The following CHCHD3 variants were observed in gnomAD, a reference collection of about 807,000 sequenced individuals.
The protein encoded by CHCHD3 is MICOS complex subunit MIC19.
CHCHD3 carries 20 observed loss-of-function variants against 38.2 expected under a neutral mutation model. The ratio of observed to expected loss-of-function variants is 0.52; its 90% CI spans 0.37 to 0.76. CHCHD3 has a LOEUF of 0.76. Among genes scored for constraint, CHCHD3 ranks in the 30% least tolerant of loss-of-function variants. The pLI, the probability that CHCHD3 is intolerant of heterozygous loss-of-function variation, is 0.00. For missense variants in CHCHD3, 245 were observed against 279.2 expected (o/e 0.88, Z 0.87); for synonymous variants, 82 against 100.0 (o/e 0.82, Z 1.07).
chr7:133,012,023 G>A (rs1007177051), intron 3 of CHCHD3, among the ~76,000 whole-genome samples: 44 of 152,094 alleles, frequency 2.9e-4, no homozygotes, highest in African/African-American at 1.0e-3. Flanking sequence ...AAGTTGATAA[G>A]GGTTACAGAA....
chr7:132,913,937 G>A (rs1284285486), intron 4 of CHCHD3, among the ~76,000 whole-genome samples: 2 of 142,282 alleles, frequency 1.4e-5, no homozygotes, highest in Non-Finnish European at 3.0e-5. Context: ...CTCTGTAAAC[G>A]TTTTCTTTTT....
At chr7:132,855,229 C>A (rs185508837) in intron 5 of CHCHD3, among the ~76,000 whole-genome samples, 1 of 152,286 alleles carries the variant, frequency 6.6e-6, no homozygotes, top group Non-Finnish European at 1.5e-5. Flanking sequence ...CAGAGTACTT[C>A]ACTAAGTCAT....
intron 5 of CHCHD3, among the ~76,000 whole-genome samples, chr7:132,843,051 G>A (rs542301952): frequency 6.6e-6 from 1 of 152,172 alleles, no homozygotes; most frequent in South Asian, 2.1e-4. Context: ...TTGTTTATTT[G>A]TTTTAAGATG....
intron 3 of CHCHD3, among the ~76,000 whole-genome samples, chr7:133,021,031 C>T (rs1813164965): frequency 6.6e-6 from 1 of 152,130 alleles, no homozygotes; most frequent in African/African-American, 2.4e-5. Context: ...GCATCCCTGG[C>T]CTCCATCCAC....
intron 4 of CHCHD3, among the ~76,000 whole-genome samples, chr7:132,953,521 A>G (rs939940396): frequency 6.6e-6 from 1 of 152,200 alleles, no homozygotes; most frequent in African/African-American, 2.4e-5. Context: ...CAAAGGAGCC[A>G]GTCCACAGCT....
intron 2 of CHCHD3, among the ~76,000 whole-genome samples, chr7:133,066,247 G>T (rs1163310217): frequency 6.9e-6 from 1 of 145,152 alleles, no homozygotes; most frequent in African/African-American, 2.6e-5. Flanking sequence ...TAAAACACAA[G>T]ATGGCATACT....
chr7:133,020,691 C>T (rs925616456), intron 3 of CHCHD3, among the ~76,000 whole-genome samples: 2 of 152,278 alleles, frequency 1.3e-5, no homozygotes. Context: ...TCAAAATTTG[C>T]AGAACTGCTG....
chr7:133,014,821 A>G (rs1000867557), intron 3 of CHCHD3, among the ~76,000 whole-genome samples: 19 of 152,064 alleles, frequency 1.2e-4, no homozygotes, highest in Non-Finnish European at 1.6e-4. Flanking sequence ...AAAGGTGCCC[A>G]ATTTGCTCTA....
At chr7:133,030,275 G>T (rs1034588884) in intron 2 of CHCHD3, among the ~76,000 whole-genome samples, 2 of 152,128 alleles carry the variant, frequency 1.3e-5, no homozygotes, top group African/African-American at 4.8e-5. Context: ...TCTTCTGATA[G>T]GTCTGACCCA....
intron 4 of CHCHD3, among the ~76,000 whole-genome samples, chr7:132,907,842 A>G (rs367925430): frequency 1.3e-5 from 2 of 152,240 alleles, no homozygotes; most frequent in African/African-American, 4.8e-5. Context: ...AATGACAGCT[A>G]TGTTTCTACC....
chr7:133,022,562 C>T (rs752754089), intron 3 of CHCHD3: 26 of 439,038 alleles, frequency 5.9e-5, no homozygotes, highest in Admixed American at 1.0e-4. Flanking sequence ...TAGATGAACA[C>T]ACATTTTTTG....
chr7:132,845,308 CA>C (rs1008172482), intron 5 of CHCHD3, among the ~76,000 whole-genome samples: 3 of 151,970 alleles, frequency 2.0e-5, no homozygotes, highest in African/African-American at 4.8e-5. Flanking sequence ...ATTATTTGAA[CA>C]GGGGGAAAAA....
intron 2 of CHCHD3, among the ~76,000 whole-genome samples, chr7:133,069,362 C>A (rs765336811): frequency 5.9e-5 from 9 of 152,022 alleles, no homozygotes; most frequent in Non-Finnish European, 1.3e-4. Flanking sequence ...GGCAGGATCT[C>A]GTCTTTCTCA....
At chr7:132,815,239 C>T (rs1366957275) in intron 6 of CHCHD3, among the ~76,000 whole-genome samples, 1 of 152,174 alleles carries the variant, frequency 6.6e-6, no homozygotes, top group Non-Finnish European at 1.5e-5. Flanking sequence ...GGAGCATTTC[C>T]TTCTTCCAGT....
intron 4 of CHCHD3, among the ~76,000 whole-genome samples, chr7:132,970,430 C>T (rs1811585582): frequency 6.6e-6 from 1 of 152,196 alleles, no homozygotes; most frequent in African/African-American, 2.4e-5. Context: ...ATATTAGGCA[C>T]TCAATTACGT....
At chr7:132,892,668 G>C (rs894359195) in intron 4 of CHCHD3, among the ~76,000 whole-genome samples, 5 of 152,198 alleles carry the variant, frequency 3.3e-5, no homozygotes, top group Non-Finnish European at 5.9e-5. Flanking sequence ...GCCTGGACCA[G>C]ACCCAGGGCA....
chr7:133,076,058 C>CAA (rs58754100), intron 1 of CHCHD3, among the ~76,000 whole-genome samples: 1,576 of 63,600 alleles, frequency 0.025, 38 homozygotes, highest in Non-Finnish European at 0.038. Context: ...GATTCTATCT[C>CAA]AAAAAAAAAA....
chr7:133,071,163 G>A (rs1375009932), intron 1 of CHCHD3, among the ~76,000 whole-genome samples: 1 of 152,082 alleles, frequency 6.6e-6, no homozygotes, highest in African/African-American at 2.4e-5. Context: ...TTTCTTTACA[G>A]CACTTAACCA....
At chr7:133,012,976 A>G (rs1279765685) in intron 3 of CHCHD3, among the ~76,000 whole-genome samples, 1 of 151,854 alleles carries the variant, frequency 6.6e-6, no homozygotes, top group Non-Finnish European at 1.5e-5. Flanking sequence ...ACCTGGGGTC[A>G]GGAGTTTGAG....
Sources: gnomAD v4.1 joint callset for allele counts (sites outside exome capture counted in the v4.1 genomes callset) on GRCh38, gnomAD v4.1.1 for gene constraint, MANE v1.5 for transcripts, NCBI Gene and HGNC (gene_info 2026-07-23, HGNC 2026-07-21) for gene names.